SMARCD2: variants seen among roughly 807,000 people sequenced by gnomAD.
SMARCD2 encodes the protein SWI/SNF related BAF chromatin remodeling complex subunit D2, also known as SWI/SNF-related matrix-associated actin-dependent regulator of chromatin subfamily D member 2.
A neutral mutation model predicts 70.4 loss-of-function variants in SMARCD2; 39 were observed. The ratio of observed to expected loss-of-function variants is 0.55; its 90% CI spans 0.43 to 0.72. The LOEUF is 0.72. SMARCD2 is among the 30% of genes least tolerant of loss of function. The pLI is 0.00. For synonymous variants in SMARCD2, 249 were observed against 279.4 expected, an observed-to-expected ratio of 0.89 and a Z score of 1.08; for missense variants, 540 against 713.4, an observed-to-expected ratio of 0.76 and a Z score of 2.77.
Position 63,833,943 on chromosome 17 carries a change from G to A in SMARCD2, c.1147C>T (p.His383Tyr). 1 of 1,613,632 alleles carries A rather than the reference G, an allele frequency of 6.2e-7. No individual in the cohort carries two copies. Residue 383 changes from histidine to tyrosine, a missense_variant, in exon 9 of 13, where the codon CAT becomes TAT. Coordinates refer to ENST00000448276, the MANE Select transcript of SMARCD2 (RefSeq NM_001098426.2). The surrounding 1 kb of genome is among the most constrained non-coding windows in gnomAD (Gnocchi z 4.3). ...IPMKLAGLLQ[H>Y]PDPIVINHVI... Reference sequence around the variant, plus strand: ...TGGTTGATGACAATGGGGTCTGGATGCTGCAGCAACCCTGCCAGCTTCATG... The same window carrying A: ...TGGTTGATGACAATGGGGTCTGGATACTGCAGCAACCCTGCCAGCTTCATG...
At chr17:63,839,681 A>C (rs935595217) in intron 1 of SMARCD2, among the ~76,000 whole-genome samples, 1 of 151,666 alleles carries the variant, frequency 6.6e-6, no homozygotes, top group South Asian at 2.1e-4. Flanking sequence ...CAGCAGGACC[A>C]GGTAGGCCTG....
chr17:63,838,407 G>A (rs1019665847), intron 1 of SMARCD2, among the ~76,000 whole-genome samples: 4 of 152,126 alleles, frequency 2.6e-5, no homozygotes, highest in Non-Finnish European at 5.9e-5. Flanking sequence ...GGGAAAGAGA[G>A]CAGCTAGCAC....
At chr17:63,839,851 G>T (rs771328885) in intron 1 of SMARCD2, among the ~76,000 whole-genome samples, 1 of 152,340 alleles carries the variant, frequency 6.6e-6, no homozygotes, top group South Asian at 2.1e-4. Flanking sequence ...TTTTGAGGCC[G>T]GGTGCAGTGG....
intron 4 of SMARCD2, 160 bp from the exon 5 acceptor site, chr17:63,835,727 T>A: frequency 1.8e-6 from 1 of 570,370 alleles, no homozygotes; most frequent in South Asian, 2.3e-5. Context: ...TAAGTCCCAG[T>A]CCCAGCCTTT....
Position 63,834,816 on chromosome 17 carries a change from GGT to G in SMARCD2, c.724-18_724-17del. 2 of 1,502,068 alleles carry G rather than the reference GGT, an allele frequency of 1.3e-6. No homozygotes were observed. The highest frequency in any genetic ancestry group is 1.9e-6 in the Non-Finnish European group (2 of 1,077,610). The allele number at this position is 1,502,068 out of a possible 1,614,324, so 93.0% of individuals were successfully genotyped here. A position where few individuals can be genotyped will look rare whatever the true frequency, so the allele number is the denominator to read the frequency against. On this transcript the variant is annotated splice_polypyrimidine_tract_variant and intron_variant, in intron 5 of 12. Coordinates refer to ENST00000448276, the MANE Select transcript of SMARCD2 (RefSeq NM_001098426.2). The surrounding 1 kb of genome is among the most constrained non-coding windows in gnomAD (Gnocchi z 5.6). ...GTTTGCTAGGCTGGGGATGGAAAGG[GGT>G]GTGAGATGGTGCTGCTGAGCTCTCA...
chr17:63,842,268 G>T, intron 1 of SMARCD2, 191 bp downstream of exon 1: 1 of 1,026,588 alleles, frequency 9.7e-7, no homozygotes, highest in Non-Finnish European at 1.2e-6. Context: ...GCCCTCCGCT[G>T]CAGAACCTGC....
intron 1 of SMARCD2, among the ~76,000 whole-genome samples, chr17:63,839,594 C>CAAA (rs968400901): frequency 2.2e-4 from 6 of 26,968 alleles, no homozygotes; most frequent in African/African-American, 4.5e-4. Context: ...ACAAAACAAA[C>CAAA]AAAAAAAAAC....
chr17:63,838,997 G>A (rs1904334734), intron 1 of SMARCD2: 1 of 985,394 alleles, frequency 1.0e-6, no homozygotes, highest in Non-Finnish European at 1.2e-6. Flanking sequence ...AGCAGGGTGG[G>A]ACGGAAGTGT....
Position 63,834,120 on chromosome 17 carries a change from C to A in SMARCD2, c.1083+47G>T, listed in dbSNP as rs987748595. On this transcript the variant is annotated intron_variant, in intron 8 of 12. Transcript: ENST00000448276. This position sits in a 1 kb window ranked among gnomAD's most constrained non-coding sequence, Gnocchi z 5.6. ...TGTGGCCAAGGAGTAGCCCAGCAGG[C>A]AAGGCAAAGCAAGGGCTGAGAAAAC... 1 of 1,604,740 alleles carries A rather than the reference C, an allele frequency of 6.2e-7. No individual in the cohort carries two copies.
rs1476207945 is a variant in SMARCD2 at position 63,837,330 on chromosome 17, C to G, written c.402-93G>C. 1 of 1,511,944 alleles carries G rather than the reference C, an allele frequency of 6.6e-7. No homozygotes were observed. Among genetic ancestry groups the G allele is most frequent in the Non-Finnish European group, 9.2e-7 (1 of 1,087,176 alleles). The allele number at this position is 1,511,944 out of a possible 1,614,324, so 93.7% of individuals were successfully genotyped here. ...CCTCCAGTCTCCAGGACCCTCTCCC[C>G]CAGGAGAGCCTGGAGTCATCCTCAG... On this transcript the variant is annotated intron_variant, in intron 2 of 12. Coordinates refer to ENST00000448276, the MANE Select transcript of SMARCD2 (RefSeq NM_001098426.2). This position sits in a 1 kb window ranked among gnomAD's most constrained non-coding sequence, Gnocchi z 6.4.
intron 1 of SMARCD2, 181 bp downstream of exon 1, chr17:63,842,278 C>G: frequency 9.3e-7 from 1 of 1,072,496 alleles, no homozygotes; most frequent in East Asian, 4.4e-5. Context: ...GCAGAACCTG[C>G]TTCCCCTTCC....
chr17:63,842,658 G>C lies in SMARCD2; in HGVS notation c.17C>G (p.Ala6Gly). Residue 6 changes from alanine (A) to glycine (G), a missense_variant, in exon 1 of 13, where the codon GCG (alanine) becomes GGG (glycine). Coordinates refer to ENST00000448276, the MANE Select transcript of SMARCD2 (RefSeq NM_001098426.2). Reference protein sequence around the residue: MSGRGAGGFPLPPLSP... With the variant: MSGRGGGGFPLPPLSP... ...TAGCGGGGGCAGCGGGAACCCGCCC[G>C]CGCCTCGGCCCGACATCGCTCCGTC... 1 of 1,284,928 alleles carries C rather than the reference G, an allele frequency of 7.8e-7. No homozygotes were observed. The highest frequency in any genetic ancestry group is 9.8e-7 in the Non-Finnish European group (1 of 1,017,058). The allele number at this position is 1,284,928 out of a possible 1,614,324, so 79.6% of individuals were successfully genotyped here.
At position 63,833,816 on chromosome 17, in the gene SMARCD2, G is replaced by A. The variant is rs1253412870; in HGVS notation, c.1181+93C>T. The A allele has an allele frequency of 1.3e-6, 2 of 1,577,042 alleles. No homozygotes were observed. The highest frequency in any genetic ancestry group is 1.4e-5 in the African/African-American group (1 of 73,868). Reference sequence around the variant, plus strand: ...GGCCCATTCTCTGCACACACTCAGGGAAAAAGAAACCTGATGCTTTCTTTG... The same window carrying A: ...GGCCCATTCTCTGCACACACTCAGGAAAAAAGAAACCTGATGCTTTCTTTG... On this transcript the variant is annotated intron_variant, in intron 9 of 12. Transcript: ENST00000448276. This position sits in a 1 kb window ranked among gnomAD's most constrained non-coding sequence, Gnocchi z 4.3.
chr17:63,835,165 C>A, intron 5 of SMARCD2: 1 of 545,658 alleles, frequency 1.8e-6, no homozygotes. Flanking sequence ...ACTCTGTCAC[C>A]CAGGCTGAAG....
At chr17:63,836,781 A>G in intron 4 of SMARCD2, 141 bp downstream of exon 4, 1 of 718,240 alleles carries the variant, frequency 1.4e-6, no homozygotes, top group South Asian at 1.8e-5. Flanking sequence ...AACACATTCA[A>G]CTGAGTTCGT....
intron 1 of SMARCD2, among the ~76,000 whole-genome samples, chr17:63,840,314 C>T (rs946077759): frequency 6.7e-6 from 1 of 149,116 alleles, no homozygotes; most frequent in Admixed American, 6.6e-5. Flanking sequence ...GGACCATAAG[C>T]GCACACCACC....
chr17:63,838,832 A>C (rs1598360176), intron 1 of SMARCD2: 4 of 1,248,252 alleles, frequency 3.2e-6, no homozygotes, highest in South Asian at 6.8e-5. Flanking sequence ...AAATCAAAGG[A>C]CCCTCCCCCA....
intron 1 of SMARCD2, among the ~76,000 whole-genome samples, chr17:63,841,522 G>A (rs532066740): frequency 6.6e-6 from 1 of 152,402 alleles, no homozygotes; most frequent in South Asian, 2.1e-4. Flanking sequence ...GATGGGCACA[G>A]TTTCCAAGCC....
intron 1 of SMARCD2, among the ~76,000 whole-genome samples, chr17:63,842,211 C>T (rs576455593): frequency 1.6e-4 from 24 of 152,280 alleles, no homozygotes; most frequent in African/African-American, 5.8e-4. Flanking sequence ...CCCAGTCACT[C>T]GGAATCCCTG....
Sources: gnomAD v4.1 joint callset for allele counts (sites outside exome capture counted in the v4.1 genomes callset) on GRCh38, gnomAD v4.1.1 for gene constraint, Gnocchi (gnomAD v3.1) non-coding constraint, MANE v1.5 for transcripts, NCBI Gene and HGNC (gene_info 2026-07-23, HGNC 2026-07-21) for gene names.